The following JADE3 variants were observed in gnomAD, a reference collection of about 807,000 sequenced individuals.
JADE3 encodes protein Jade-3.
JADE3 carries 2 observed loss-of-function variants against 50.1 expected under a neutral mutation model. That is an observed-to-expected ratio of 0.04 (90% CI 0.02 to 0.13). The LOEUF (loss-of-function observed/expected upper bound fraction) is 0.13. Among genes scored for constraint, JADE3 ranks in the 10% least tolerant of loss-of-function variants. The pLI, the probability that JADE3 is intolerant of heterozygous loss-of-function variation, is 1.00. For synonymous variants in JADE3, 218 were observed against 232.9 expected, an observed-to-expected ratio of 0.94 and a Z score of 0.58; for missense variants, 475 against 634.4, an observed-to-expected ratio of 0.75 and a Z score of 2.70.
chrX:46,960,646 A>G (rs186000911), intron 1 of JADE3, among the ~76,000 whole-genome samples: 1 of 111,828 alleles, frequency 8.9e-6, no homozygotes, highest in Non-Finnish European at 1.9e-5. Flanking sequence ...ACTGCATCCC[A>G]TGAGCCTTTT....
At chrX:47,002,209 T>C (rs782290536) in intron 4 of JADE3, among the ~76,000 whole-genome samples, 146 of 111,490 alleles carry the variant, frequency 1.3e-3, no homozygotes, top group Non-Finnish European at 2.2e-3. Context: ...AAAATATTCT[T>C]CTATGTTTTC....
chrX:47,059,320 A>G lies in JADE3; in HGVS notation c.*243A>G, dbSNP rs376777669. On this transcript the variant is annotated 3_prime_UTR_variant, in exon 11 of 11. Transcript: ENST00000614628. ...GAGGCTATTGGGAACAGCTGGGCCC[A>G]GGGTATTTGCTCAGTAAATATTTTG... The G allele has an allele frequency of 1.0e-3, 340 of 338,571 alleles. 6 individuals carry two copies. In the South Asian group the frequency reaches 0.027, roughly 27 times the overall value. The allele number at this position is 338,571 out of a possible 1,213,427, so 27.9% of individuals were successfully genotyped here.
At chrX:46,978,218 A>G (rs1176334701) in intron 1 of JADE3, among the ~76,000 whole-genome samples, 2 of 111,832 alleles carry the variant, frequency 1.8e-5, no homozygotes, top group African/African-American at 6.5e-5. Context: ...GCTTTAAAGA[A>G]TCACAAAAAA....
intron 4 of JADE3, among the ~76,000 whole-genome samples, chrX:47,002,241 A>G (rs1325870913): frequency 7.2e-5 from 8 of 111,423 alleles, no homozygotes; most frequent in Non-Finnish European, 1.5e-4. Flanking sequence ...TTATAGTTTT[A>G]CATTTAAATG....
chrX:46,921,502 A>G (rs1926220959), intron 1 of JADE3, among the ~76,000 whole-genome samples: 1 of 111,454 alleles, frequency 9.0e-6, no homozygotes, highest in African/African-American at 3.3e-5. Context: ...TTTTTAATAT[A>G]CTGTGTTGTG....
chrX:46,991,028 CCTT>C (rs1927980920), intron 3 of JADE3, among the ~76,000 whole-genome samples: 1 of 77,014 alleles, frequency 1.3e-5, no homozygotes, highest in Non-Finnish European at 2.5e-5. Flanking sequence ...TTCCTTCCTT[CCTT>C]CTTTCCTTCC....
At chrX:46,957,213 T>C (rs781942635) in intron 1 of JADE3, among the ~76,000 whole-genome samples, 1 of 98,578 alleles carries the variant, frequency 1.0e-5, no homozygotes, top group East Asian at 3.2e-4. Context: ...TTCAGATAGA[T>C]TAGATAGATA....
intron 1 of JADE3, among the ~76,000 whole-genome samples, chrX:46,915,222 G>A (rs1926056130): frequency 8.9e-6 from 1 of 111,840 alleles, no homozygotes; most frequent in Non-Finnish European, 1.9e-5. Context: ...CTTGATCAGA[G>A]TTACAGAGAG....
intron 3 of JADE3, among the ~76,000 whole-genome samples, chrX:46,996,971 C>T (rs1442272344): frequency 1.8e-5 from 2 of 111,928 alleles, no homozygotes; most frequent in African/African-American, 3.2e-5. Flanking sequence ...GAAGGTACGG[C>T]TTATGCTTTG....
intron 1 of JADE3, among the ~76,000 whole-genome samples, chrX:46,951,423 C>G (rs1391775679): frequency 1.9e-5 from 2 of 105,820 alleles, no homozygotes; most frequent in Non-Finnish European, 3.9e-5. Flanking sequence ...CCCGTCTCTA[C>G]TAAAAATACA....
intron 1 of JADE3, among the ~76,000 whole-genome samples, chrX:46,931,759 C>G (rs1303803607): frequency 8.9e-6 from 1 of 111,870 alleles, no homozygotes; most frequent in Non-Finnish European, 1.9e-5. Context: ...GTAATCAAAG[C>G]AATTATGCTG....
At position 47,012,622 on chromosome X, in the gene JADE3, GTT is replaced by G. The variant is rs374831204; in HGVS notation, c.285-12092_285-12091del. Among the ~76,000 whole-genome samples, 488 of 103,670 alleles carry G rather than the reference GTT, an allele frequency of 4.7e-3. 2 individuals are homozygous for G. The highest frequency in any genetic ancestry group is 0.016 in the African/African-American group (470 of 29,328). 90.0% of individuals were successfully genotyped at this position (103,670 alleles called of 115,157 possible). ...AATTGTGATGAAGTCCAGTTTATCT[GTT>G]TTTTTTTTTGTTGTTGTTGTTGTTG... On this transcript the variant is annotated intron_variant, in intron 4 of 10. Transcript: ENST00000614628.
intron 4 of JADE3, among the ~76,000 whole-genome samples, chrX:47,013,731 G>C (rs1260184179): frequency 1.8e-5 from 2 of 112,013 alleles, no homozygotes; most frequent in African/African-American, 6.5e-5. Flanking sequence ...ATTTCCCATT[G>C]AAACTCTCAC....
intron 3 of JADE3, among the ~76,000 whole-genome samples, chrX:46,996,361 A>G (rs1411976823): frequency 8.9e-6 from 1 of 112,318 alleles, no homozygotes; most frequent in African/African-American, 3.2e-5. Context: ...GAAGCCATAG[A>G]CAAGGACCAC....
intron 4 of JADE3, among the ~76,000 whole-genome samples, chrX:47,022,666 C>T (rs992431415): frequency 1.8e-5 from 2 of 111,558 alleles, no homozygotes; most frequent in South Asian, 7.5e-4. Context: ...TGATGACATA[C>T]GTGTGTTTAT....
At chrX:46,995,230 C>T (rs1388327135) in intron 3 of JADE3, among the ~76,000 whole-genome samples, 1 of 110,259 alleles carries the variant, frequency 9.1e-6, no homozygotes, top group Non-Finnish European at 1.9e-5. Flanking sequence ...GTGGTTTCAC[C>T]GTGTTAACCA....
At chrX:47,014,188 T>A (rs1475689357) in intron 4 of JADE3, among the ~76,000 whole-genome samples, 3 of 112,287 alleles carry the variant, frequency 2.7e-5, no homozygotes, top group Admixed American at 9.5e-5. Flanking sequence ...ACCCATTGAG[T>A]GAAAGGTTTG....
intron 1 of JADE3, among the ~76,000 whole-genome samples, chrX:46,945,141 A>G (rs1182311532): frequency 9.2e-6 from 1 of 109,107 alleles, no homozygotes; most frequent in Admixed American, 9.8e-5. Context: ...TGCCCAGTCC[A>G]TATGTGTATT....
intron 1 of JADE3, among the ~76,000 whole-genome samples, chrX:46,983,440 T>A (rs1290228080): frequency 9.0e-6 from 1 of 111,003 alleles, no homozygotes; most frequent in Non-Finnish European, 1.9e-5. Context: ...ACCCAAGGCA[T>A]AGCCTCCATC....
Sources: gnomAD v4.1 joint callset for allele counts (sites outside exome capture counted in the v4.1 genomes callset) on GRCh38, gnomAD v4.1.1 for gene constraint, MANE v1.5 for transcripts, NCBI Gene and HGNC (gene_info 2026-07-23, HGNC 2026-07-21) for gene names.